Variants in HSD17B3 observed in about 807,000 individuals in gnomAD.
HSD17B3 encodes the protein 17-beta-hydroxysteroid dehydrogenase type 3.
A neutral mutation model predicts 41.1 loss-of-function variants in HSD17B3; 29 were observed. The ratio of observed to expected loss-of-function variants is 0.71; its 90% confidence interval spans 0.53 to 0.96. HSD17B3 has a LOEUF of 0.96. HSD17B3 is among the 40% of genes least tolerant of loss of function. The probability of loss-of-function intolerance (pLI) is 0.00; values close to 1 mark genes in which losing one functional copy is unlikely to be tolerated. For synonymous variants in HSD17B3, 126 were observed against 145.6 expected, an observed-to-expected ratio of 0.87 and a Z score of 0.97; for missense variants, 323 against 374.6, an observed-to-expected ratio of 0.86 and a Z score of 1.14.
At chr9:96,255,763 C>T (rs1437506964) in intron 2 of HSD17B3, among the ~76,000 whole-genome samples, 4 of 152,172 alleles carry the variant, frequency 2.6e-5, no homozygotes, top group South Asian at 2.1e-4. Flanking sequence ...TGAGACCTTT[C>T]TTCCTGTTTT....
chr9:96,295,389 C>T (rs1398736142), intron 2 of HSD17B3, among the ~76,000 whole-genome samples: 1 of 151,458 alleles, frequency 6.6e-6, no homozygotes. Context: ...GGCTGGAGTG[C>T]AATGGCACAA....
chr9:96,294,191 G>A (rs768082982), intron 2 of HSD17B3, among the ~76,000 whole-genome samples: 3 of 151,790 alleles, frequency 2.0e-5, no homozygotes, highest in African/African-American at 4.8e-5. Context: ...AAGGCAAGAG[G>A]ATTGCTTAAG....
chr9:96,250,235 G>A (rs1302862792), intron 5 of HSD17B3: 2 of 1,120,190 alleles, frequency 1.8e-6, no homozygotes, highest in East Asian at 4.1e-5. Flanking sequence ...TAAAGAGAAA[G>A]GACAAGAGGA....
At chr9:96,261,148 C>T (rs750472895) in intron 2 of HSD17B3, among the ~76,000 whole-genome samples, 1 of 152,070 alleles carries the variant, frequency 6.6e-6, no homozygotes, top group African/African-American at 2.4e-5. Context: ...TTGACCCAGA[C>T]CCCCCAAAAA....
chr9:96,263,985 GT>G (rs747724016), intron 2 of HSD17B3, among the ~76,000 whole-genome samples: 4 of 151,954 alleles, frequency 2.6e-5, no homozygotes, highest in Non-Finnish European at 5.9e-5. Flanking sequence ...ATGAGAACAG[GT>G]TTTAAGTGAT....
chr9:96,279,687 C>T (rs995481949), intron 2 of HSD17B3, among the ~76,000 whole-genome samples: 2 of 152,062 alleles, frequency 1.3e-5, no homozygotes, highest in Admixed American at 6.6e-5. Context: ...CAAAGAAATA[C>T]ATTTGGGGGT....
intron 10 of HSD17B3, among the ~76,000 whole-genome samples, chr9:96,235,898 TG>T (rs1836219947): frequency 6.6e-6 from 1 of 151,918 alleles, no homozygotes; most frequent in South Asian, 2.1e-4. Context: ...CTCAACCTCC[TG>T]GGCTCAAGGG....
At chr9:96,257,826 G>A (rs756245484) in intron 2 of HSD17B3, among the ~76,000 whole-genome samples, 6 of 152,096 alleles carry the variant, frequency 3.9e-5, no homozygotes, top group Non-Finnish European at 7.4e-5. Context: ...CATCATGCCC[G>A]GCTAATTCTT....
In HSD17B3 at chr9:96,246,617, C is replaced by T. The variant is rs547174653; in HGVS notation, c.490-27G>A. 90 of 1,611,472 alleles carry T rather than the reference C, an allele frequency of 5.6e-5. 1 individual carries two copies. The South Asian group carries it at 8.2e-4, about 15-fold the overall frequency. ...TACAAGAGAAGGCCAAAGGTAAGCC[C>T]GACAAGGAACTAAGTAGCAGTGCAA... is the stretch of plus-strand genomic sequence containing the variant. On this transcript the variant is annotated intron_variant, in intron 6 of 10. Transcript: ENST00000375263.
intron 2 of HSD17B3, among the ~76,000 whole-genome samples, chr9:96,270,245 C>T (rs372144432): frequency 1.7e-5 from 2 of 119,528 alleles, no homozygotes; most frequent in Admixed American, 8.9e-5. Flanking sequence ...CCCCCAAACA[C>T]ATACACACAC....
chr9:96,292,965 A>C (rs986422047), intron 2 of HSD17B3, among the ~76,000 whole-genome samples: 4 of 152,226 alleles, frequency 2.6e-5, no homozygotes, highest in Admixed American at 6.5e-5. Flanking sequence ...TGAAGGGGAA[A>C]TGAAGCCATT....
chr9:96,295,335 TG>T (rs1346081492), intron 2 of HSD17B3, among the ~76,000 whole-genome samples: 2 of 150,618 alleles, frequency 1.3e-5, no homozygotes, highest in South Asian at 2.1e-4. Flanking sequence ...TTTTTGTTTT[TG>T]TTTTTGTTTT....
chr9:96,243,671 C>T (rs1374313506), intron 9 of HSD17B3, among the ~76,000 whole-genome samples: 3 of 152,220 alleles, frequency 2.0e-5, no homozygotes, highest in Non-Finnish European at 4.4e-5. Context: ...AACTCTGTTG[C>T]TGAACCAAGC....
chr9:96,293,301 G>T (rs1366049714), intron 2 of HSD17B3, among the ~76,000 whole-genome samples: 1 of 152,090 alleles, frequency 6.6e-6, no homozygotes, highest in Non-Finnish European at 1.5e-5. Flanking sequence ...ACTCCATAAG[G>T]AGGGTGGGCC....
At chr9:96,250,552 G>A in intron 5 of HSD17B3, 1 of 855,414 alleles carries the variant, frequency 1.2e-6, no homozygotes, top group Non-Finnish European at 1.4e-6. Flanking sequence ...GACTCCAAAG[G>A]TCAGGGCCTA....
intron 2 of HSD17B3, among the ~76,000 whole-genome samples, chr9:96,282,305 G>T (rs115866170): frequency 6.6e-6 from 1 of 152,064 alleles, no homozygotes; most frequent in Non-Finnish European, 1.5e-5. Flanking sequence ...AATAATAAGC[G>T]CTTAAATCAA....
At chr9:96,250,237 A>G in intron 5 of HSD17B3, 1 of 1,122,040 alleles carries the variant, frequency 8.9e-7, no homozygotes, top group Non-Finnish European at 1.1e-6. Flanking sequence ...AAGAGAAAGG[A>G]CAAGAGGACG....
At chr9:96,235,767 C>G (rs909388537) in intron 10 of HSD17B3, among the ~76,000 whole-genome samples, 197 bp from the exon 11 acceptor site, 4 of 152,160 alleles carry the variant, frequency 2.6e-5, no homozygotes, top group Non-Finnish European at 5.9e-5. Context: ...GTAGCCAGTC[C>G]TTTTAAACTC....
chr9:96,294,521 G>T (rs1290262214), intron 2 of HSD17B3, among the ~76,000 whole-genome samples: 1 of 152,218 alleles, frequency 6.6e-6, no homozygotes, highest in African/African-American at 2.4e-5. Flanking sequence ...AGAAAGAAGA[G>T]TGTCTGAGTC....
Sources: allele counts gnomAD v4.1 joint callset (sites outside exome capture counted in the v4.1 genomes callset), GRCh38; gene constraint gnomAD v4.1.1; transcripts MANE v1.5; gene names NCBI Gene and HGNC (gene_info 2026-07-23, HGNC 2026-07-21).